The following MALRD1 variants were observed in gnomAD, a reference collection of about 807,000 sequenced individuals.
MALRD1 encodes MAM and LDL-receptor class A domain-containing protein 1.
MALRD1 carries 247 observed loss-of-function variants against 242.1 expected under a neutral mutation model. That is an observed-to-expected ratio of 1.02 (90% confidence interval 0.92 to 1.13). The LOEUF (loss-of-function observed/expected upper bound fraction) is 1.13. Among genes scored for constraint, MALRD1 ranks in the 50% most tolerant of loss-of-function variants. The probability of loss-of-function intolerance (pLI) is 0.00; values close to 1 mark genes in which losing one functional copy is unlikely to be tolerated. For synonymous variants in MALRD1, 995 were observed against 866.6 expected, an observed-to-expected ratio of 1.15 and a Z score of -2.60; for missense variants, 2,989 against 2,533.1, an observed-to-expected ratio of 1.18 and a Z score of -3.86.
intron 38 of MALRD1, among the ~76,000 whole-genome samples, chr10:19,692,910 C>A (rs1294820384): frequency 7.4e-6 from 1 of 135,906 alleles, no homozygotes; most frequent in African/African-American, 3.1e-5. Flanking sequence ...GAATGCAAGG[C>A]TGGTTCAACA....
In MALRD1 at chr10:19,136,688, C is replaced by T. The variant is rs1303961758; in HGVS notation, c.1318C>T (p.Pro440Ser). 5 of 1,231,694 alleles carry T rather than the reference C, an allele frequency of 4.1e-6. No individual in the cohort carries two copies. The highest frequency in any genetic ancestry group is 6.3e-5 in the East Asian group (2 of 31,682). 76.3% of individuals were successfully genotyped at this position (1,231,694 alleles called of 1,614,324 possible). The stretch of plus-strand genomic sequence containing the variant: ...AAAGCTTTGCTCTGCAGACGAATTC[C>T]CTTGCACTAGTGGCCAGTGCATCGC... Reference protein sequence around the residue: ...SRKLCSADEFPCTSGQCIAKE... With the variant: ...SRKLCSADEFSCTSGQCIAKE... Residue 440 changes from proline (P) to serine (S), a missense_variant, in exon 10 of 40, where the codon CCT becomes TCT. Coordinates refer to ENST00000454679, the MANE Select transcript of MALRD1 (RefSeq NM_001142308.3).
intron 18 of MALRD1, among the ~76,000 whole-genome samples, chr10:19,214,473 A>G (rs966280814): frequency 3.9e-5 from 6 of 152,218 alleles, no homozygotes; most frequent in Admixed American, 3.9e-4. Flanking sequence ...TTATCAATAC[A>G]GTCTGTTGCT....
At position 19,221,523 on chromosome 10, in the gene MALRD1, C is replaced by T. The variant is rs527376587; in HGVS notation, c.2991+11843C>T. Among the ~76,000 whole-genome samples the T allele has an allele frequency of 7.2e-5, 11 of 152,166 alleles. No homozygotes were observed. In the South Asian group the frequency reaches 8.3e-4, roughly 12 times the overall value. ...ATCTTGAGCTGAATTTAAAATGTAA[C>T]GGCAGTTTATTATGTCACCTGTTCG... On this transcript the variant is annotated intron_variant, in intron 18 of 39. Transcript: ENST00000454679.
intron 36 of MALRD1, among the ~76,000 whole-genome samples, chr10:19,684,688 G>A (rs528704690): frequency 6.6e-6 from 1 of 152,328 alleles, no homozygotes; most frequent in South Asian, 2.1e-4. Context: ...GGAGATGGAG[G>A]TTGCAGTGAG....
intron 21 of MALRD1, among the ~76,000 whole-genome samples, chr10:19,307,954 C>G (rs948716103): frequency 1.3e-5 from 2 of 151,382 alleles, no homozygotes; most frequent in African/African-American, 2.4e-5. Flanking sequence ...TGTTTTGATA[C>G]AGGCATGAAA....
intron 31 of MALRD1, among the ~76,000 whole-genome samples, chr10:19,514,868 AG>A (rs145920292): frequency 0.037 from 5,605 of 152,250 alleles, 194 homozygotes; most frequent in African/African-American, 0.093. Flanking sequence ...TTTAACATAG[AG>A]GATCAAATTC....
chr10:19,719,275 T>G (rs1028388597), intron 38 of MALRD1, among the ~76,000 whole-genome samples: 2 of 139,080 alleles, frequency 1.4e-5, no homozygotes, highest in African/African-American at 2.7e-5. Flanking sequence ...CAAATATATT[T>G]CTAAAGGGAC....
intron 31 of MALRD1, among the ~76,000 whole-genome samples, chr10:19,510,438 G>C (rs1479743268): frequency 7.2e-6 from 1 of 139,188 alleles, no homozygotes; most frequent in Non-Finnish European, 1.6e-5. Flanking sequence ...ACAATACCTG[G>C]CTTTCCTAGG....
chr10:19,283,275 C>T, intron 21 of MALRD1, 94 bp downstream of exon 21: 1 of 1,048,380 alleles, frequency 9.5e-7, no homozygotes. Flanking sequence ...TAGGCCAATG[C>T]TACTGTAAAG....
intron 38 of MALRD1, among the ~76,000 whole-genome samples, chr10:19,696,979 C>T (rs181158965): frequency 3.9e-5 from 6 of 152,162 alleles, no homozygotes; most frequent in African/African-American, 1.4e-4. Flanking sequence ...CTACAATATG[C>T]TAGACAACAT....
intron 36 of MALRD1, among the ~76,000 whole-genome samples, chr10:19,641,243 A>G (rs1357779592): frequency 1.3e-5 from 2 of 152,174 alleles, no homozygotes; most frequent in Admixed American, 6.5e-5. Context: ...TCATTCTCAG[A>G]TAAAATAATC....
chr10:19,234,607 A>T (rs74882285), intron 18 of MALRD1, among the ~76,000 whole-genome samples: 3,447 of 139,930 alleles, frequency 0.025, 60 homozygotes, highest in Middle Eastern at 0.071. Flanking sequence ...GTAAACATTG[A>T]CTTAGTTCAA....
intron 28 of MALRD1, among the ~76,000 whole-genome samples, chr10:19,403,950 A>G (rs1846978883): frequency 6.6e-6 from 1 of 152,170 alleles, no homozygotes; most frequent in Non-Finnish European, 1.5e-5. Context: ...ATAAGAAAAC[A>G]TGTATTGTGA....
intron 28 of MALRD1, among the ~76,000 whole-genome samples, chr10:19,416,336 A>G (rs1054350684): frequency 6.6e-6 from 1 of 152,178 alleles, no homozygotes; most frequent in Non-Finnish European, 1.5e-5. Context: ...ATCAGCCAGC[A>G]CTATTCAATG....
chr10:19,625,029 C>T (rs1839586213), intron 36 of MALRD1, among the ~76,000 whole-genome samples: 1 of 149,808 alleles, frequency 6.7e-6, no homozygotes, highest in Non-Finnish European at 1.5e-5. Flanking sequence ...TGCACTTTAG[C>T]TTGTGTGACT....
intron 9 of MALRD1, among the ~76,000 whole-genome samples, chr10:19,134,245 A>T (rs1489798263): frequency 8.5e-5 from 13 of 152,300 alleles, no homozygotes; most frequent in Non-Finnish European, 1.5e-4. Flanking sequence ...AAATTGCATT[A>T]TGAAGTAGGT....
chr10:19,263,925 G>A (rs12265635), intron 19 of MALRD1, among the ~76,000 whole-genome samples: 12,825 of 152,086 alleles, frequency 0.084, 727 homozygotes, highest in African/African-American at 0.16. Context: ...GGAATCTTTT[G>A]TAGTTCTCTA....
At chr10:19,589,545 A>G (rs1837649522) in intron 33 of MALRD1, among the ~76,000 whole-genome samples, 2 of 152,198 alleles carry the variant, frequency 1.3e-5, no homozygotes, top group African/African-American at 2.4e-5. Flanking sequence ...CTAAGCTTTC[A>G]TATAAGTCTC....
intron 36 of MALRD1, among the ~76,000 whole-genome samples, chr10:19,653,221 G>T (rs1840976188): frequency 6.6e-6 from 1 of 151,548 alleles, no homozygotes; most frequent in Non-Finnish European, 1.5e-5. Context: ...TTTTGAGACA[G>T]AGTTTCACTC....
Sources: gnomAD v4.1 joint callset for allele counts (sites outside exome capture counted in the v4.1 genomes callset) on GRCh38, gnomAD v4.1.1 for gene constraint, MANE v1.5 for transcripts, NCBI Gene and HGNC (gene_info 2026-07-23, HGNC 2026-07-21) for gene names.